The following ATG7 variants were observed in gnomAD, a reference collection of about 807,000 sequenced individuals.
ATG7 encodes autophagy related 7.
In ATG7, 70 loss-of-function variants were observed where a neutral mutation model predicts 82.4. That is an observed-to-expected ratio of 0.85 (90% CI 0.70 to 1.04). ATG7 has a LOEUF of 1.04. Among genes scored for constraint, ATG7 ranks in the 50% least tolerant of loss-of-function variants. The pLI is 0.00. For missense variants in ATG7, 792 were observed against 864.3 expected (o/e 0.92, Z 1.05); for synonymous variants, 287 against 313.0 (o/e 0.92, Z 0.88).
At position 11,506,582 on chromosome 3, in the gene ATG7, AAAC is replaced by A. The variant is rs1208273958; in HGVS notation, c.2080-48228_2080-48226del. 6.3e-3 allele frequency among the ~76,000 whole-genome samples: 76 copies of A among 12,088 alleles called. 6 individuals are homozygous for A. Among genetic ancestry groups the A allele is most frequent in the African/African-American group, 0.024 (68 of 2,836 alleles). The allele number at this position is 12,088 out of a possible 152,430, so 7.9% of individuals were successfully genotyped here. On this transcript the variant is annotated intron_variant, in intron 20 of 20. Transcript: ENST00000693202. Reference sequence around the variant, plus strand: ...AAAAAAAAAAAAAAAAAAAAAAAAAAAACCCAAAAATTAGCTGGGAGTGGTGGC... The same window carrying A: ...AAAAAAAAAAAAAAAAAAAAAAAAAACCAAAAATTAGCTGGGAGTGGTGGC...
chr3:11,549,059 TGCA>T (rs2071541976), intron 20 of ATG7, among the ~76,000 whole-genome samples: 1 of 151,790 alleles, frequency 6.6e-6, no homozygotes, highest in Non-Finnish European at 1.5e-5. Flanking sequence ...GTTATCTCAG[TGCA>T]GCTTTTTTTT....
chr3:11,448,604 G>A (rs1467080929), intron 20 of ATG7, among the ~76,000 whole-genome samples: 2 of 152,190 alleles, frequency 1.3e-5, no homozygotes, highest in African/African-American at 4.8e-5. Flanking sequence ...GCAGTTGTGG[G>A]GTATCATGGG....
intron 20 of ATG7, among the ~76,000 whole-genome samples, chr3:11,458,090 T>C (rs988436150): frequency 2.0e-5 from 3 of 152,204 alleles, no homozygotes; most frequent in African/African-American, 7.2e-5. Context: ...TTTATGGAAC[T>C]AGTGTCTTGT....
rs866313247 is a variant in ATG7, at chr3:11,485,818, C to T, written c.2079+58892C>T. Among the ~76,000 whole-genome samples the T allele has an allele frequency of 8.5e-5, 13 of 152,272 alleles. 1 individual carries two copies. The South Asian group carries it at 1.0e-3, about 12-fold the overall frequency. Reference sequence around the variant, plus strand: ...TAGGGAATCCTTTCCCCATTGCTTGCTTTTCTCAGTTTCGTCAAAGATCAG... The same window carrying T: ...TAGGGAATCCTTTCCCCATTGCTTGTTTTTCTCAGTTTCGTCAAAGATCAG... On this transcript the variant is annotated intron_variant, in intron 20 of 20. Transcript: ENST00000693202.
intron 19 of ATG7, among the ~76,000 whole-genome samples, chr3:11,424,448 C>T (rs1323142418): frequency 6.6e-6 from 1 of 151,916 alleles, no homozygotes; most frequent in Admixed American, 6.6e-5. Context: ...CATTGCACTC[C>T]AGCCTAGGTG....
intron 18 of ATG7, among the ~76,000 whole-genome samples, chr3:11,376,956 G>A (rs1289548324): frequency 6.6e-6 from 1 of 152,146 alleles, no homozygotes; most frequent in Non-Finnish European, 1.5e-5. Flanking sequence ...AGCCAGGATG[G>A]TCTTGATCTC....
chr3:11,568,739 A>G, the ATG7 span: 25 of 1,532,234 alleles, frequency 1.6e-5, no homozygotes, highest in Non-Finnish European at 2.2e-5. This position sits in a 1 kb window ranked among gnomAD's most constrained non-coding sequence, Gnocchi z 5.9. Context: ...AGAAAACCGC[A>G]CGCATCCTGC....
chr3:11,532,729 G>A (rs1335582590), intron 20 of ATG7, among the ~76,000 whole-genome samples: 3 of 152,090 alleles, frequency 2.0e-5, no homozygotes, highest in African/African-American at 4.8e-5. Context: ...CGTAAAAAAC[G>A]AAACAACACC....
At chr3:11,299,494 A>G (rs1194085767) in intron 5 of ATG7, 78 bp downstream of exon 5, 3 of 1,446,746 alleles carry the variant, frequency 2.1e-6, no homozygotes, top group Non-Finnish European at 2.9e-6. Flanking sequence ...CCTCCCTCAT[A>G]GGTGGACCAC....
intron 20 of ATG7, among the ~76,000 whole-genome samples, chr3:11,479,996 C>T (rs1287276563): frequency 3.3e-5 from 5 of 151,542 alleles, no homozygotes; most frequent in African/African-American, 7.3e-5. Context: ...GGCACAATCT[C>T]GGCTTACTGC....
In ATG7 at chr3:11,493,608, C is replaced by G. The variant is rs138080716; in HGVS notation, c.2080-61203C>G. 3.3e-3 allele frequency among the ~76,000 whole-genome samples: 501 copies of G among 152,178 alleles called. 3 individuals carry two copies. Among genetic ancestry groups the G allele is most frequent in the African/African-American group, 0.012 (483 of 41,524 alleles). ...GCCTCCCTCAATGGGTGATGCTAAA[C>G]CAGGATGAGTAGTAAAATCAGGATC... On this transcript the variant is annotated intron_variant, in intron 20 of 20. Transcript: ENST00000693202.
intron 20 of ATG7, among the ~76,000 whole-genome samples, chr3:11,536,853 GT>G (rs1174093901): frequency 1.3e-5 from 2 of 152,168 alleles, no homozygotes; most frequent in African/African-American, 4.8e-5. Flanking sequence ...TGAACTTAAT[GT>G]TGTGCAAGAT....
intron 11 of ATG7, among the ~76,000 whole-genome samples, chr3:11,333,413 AGGAT>A (rs1347502667): frequency 6.6e-6 from 1 of 152,220 alleles, no homozygotes; most frequent in Non-Finnish European, 1.5e-5. Context: ...TCTTAAAGGA[AGGAT>A]GAAGTATTAA....
chr3:11,327,045 C>T lies in ATG7; in HGVS notation c.679-4295C>T, dbSNP rs534611500. Among the ~76,000 whole-genome samples, 48 of 152,304 alleles carry T rather than the reference C, an allele frequency of 3.2e-4. No individual in the cohort carries two copies. In the South Asian group the frequency reaches 5.2e-3, roughly 16 times the overall value. ...GCATCACTTTTCCTGCTCTAGCTGC[C>T]TCCCAGGATCCCTGCTCAAGATCTT... is the stretch of plus-strand genomic sequence containing the variant. On this transcript the variant is annotated intron_variant, in intron 9 of 20. Coordinates refer to ENST00000693202, the MANE Select transcript of ATG7 (RefSeq NM_001349232.2).
Position 11,298,848 on chromosome 3 carries a change from C to T in ATG7, c.153C>T (p.Tyr51=). ...DEAPKDIKGY[Y]YNGDSAGLPA... is the part of the protein sequence containing the mutation. ...CTCCCAAGGACATTAAGGGTTATTA[C>T]TACAATGGTAGGTGATTGTAAATTT... Residue 51 remains tyrosine (Y), a synonymous_variant, in exon 4 of 21, where the codon TAC becomes TAT. Transcript: ENST00000693202. 1 of 1,614,108 alleles carries T rather than the reference C, an allele frequency of 6.2e-7. No homozygotes were observed. Among genetic ancestry groups the T allele is most frequent in the East Asian group, 2.2e-5 (1 of 44,882 alleles).
intron 18 of ATG7, among the ~76,000 whole-genome samples, chr3:11,368,229 TAAAAAAAAA>T (rs760208581): frequency 6.4e-5 from 7 of 109,350 alleles, no homozygotes; most frequent in African/African-American, 2.4e-4. Flanking sequence ...TTCTTTTACT[TAAAAAAAAA>T]AAAAAAAAAA....
At chr3:11,496,413 C>G (rs1392412147) in intron 20 of ATG7, among the ~76,000 whole-genome samples, 7 of 152,168 alleles carry the variant, frequency 4.6e-5, no homozygotes, top group South Asian at 2.1e-4. Flanking sequence ...TTCCCTCCCT[C>G]CCTTCCTTTC....
chr3:11,411,753 T>C (rs905013175), intron 19 of ATG7, among the ~76,000 whole-genome samples: 17 of 152,134 alleles, frequency 1.1e-4, no homozygotes, highest in Admixed American at 2.6e-4. Context: ...TTTTTTTGTT[T>C]CCTGTGCCTT....
At chr3:11,324,165 A>G (rs531308926) in intron 9 of ATG7, among the ~76,000 whole-genome samples, 13 of 152,364 alleles carry the variant, frequency 8.5e-5, no homozygotes, top group Non-Finnish European at 1.6e-4. Flanking sequence ...TTGTATTACA[A>G]AAGGAAGTGA....
Sources: gnomAD v4.1 joint callset for allele counts (sites outside exome capture counted in the v4.1 genomes callset) on GRCh38, gnomAD v4.1.1 for gene constraint, Gnocchi (gnomAD v3.1) non-coding constraint, MANE v1.5 for transcripts, NCBI Gene and HGNC (gene_info 2026-07-23, HGNC 2026-07-21) for gene names.